Variants in PALLD observed in about 807,000 individuals in gnomAD.
The protein encoded by PALLD is palladin, cytoskeletal associated protein, also known as palladin.
Under a neutral mutation model 123.5 loss-of-function variants are expected in PALLD, and 61 were observed. The observed-to-expected ratio is 0.49, with a 90% confidence interval of 0.40 to 0.61. The LOEUF (loss-of-function observed/expected upper bound fraction) is 0.61. PALLD is among the 20% of genes least tolerant of loss of function. The pLI is 0.00. For missense variants in PALLD, 1,273 were observed against 1,377.0 expected (o/e 0.92, Z 1.20); for synonymous variants, 465 against 496.4 (o/e 0.94, Z 0.84).
chr4:168,591,075 C>A (rs185181689), intron 2 of PALLD, among the ~76,000 whole-genome samples: 3 of 151,902 alleles, frequency 2.0e-5, no homozygotes. Context: ...GACAGAGTTT[C>A]GCCATGTTGG....
At chr4:168,778,421 A>G (rs57308873) in intron 10 of PALLD, among the ~76,000 whole-genome samples, 3,233 of 152,264 alleles carry the variant, frequency 0.021, 110 homozygotes, top group African/African-American at 0.074. Context: ...TATTTGACTC[A>G]TGTATGGGAC....
intron 8 of PALLD, among the ~76,000 whole-genome samples, chr4:168,702,477 C>A (rs1435372145): frequency 6.6e-6 from 1 of 152,152 alleles, no homozygotes; most frequent in Non-Finnish European, 1.5e-5. Context: ...TCACTTGAAT[C>A]TGGAAGGCGG....
chr4:168,829,522 C>A (rs1743899675), intron 10 of PALLD, among the ~76,000 whole-genome samples: 1 of 152,090 alleles, frequency 6.6e-6, no homozygotes, highest in Non-Finnish European at 1.5e-5. Context: ...ATTTAAGAAG[C>A]GTAACTTAAA....
At chr4:168,726,752 TA>T (rs201392402) in intron 10 of PALLD, among the ~76,000 whole-genome samples, 118 of 146,650 alleles carry the variant, frequency 8.0e-4, no homozygotes, top group Admixed American at 2.0e-3. Context: ...GCTGTCCCTT[TA>T]AAAAAAAAAA....
chr4:168,692,039 C>A (rs1782682018), intron 8 of PALLD, among the ~76,000 whole-genome samples: 1 of 152,160 alleles, frequency 6.6e-6, no homozygotes, highest in African/African-American at 2.4e-5. Flanking sequence ...GTCACAATTT[C>A]ACTTATTTCT....
intron 10 of PALLD, among the ~76,000 whole-genome samples, chr4:168,888,978 T>C (rs180899600): frequency 6.6e-6 from 1 of 152,188 alleles, no homozygotes; most frequent in East Asian, 1.9e-4. Flanking sequence ...GCTGCATACT[T>C]AGTGACTGTT....
chr4:168,514,835 A>G (rs1275113450), intron 2 of PALLD, among the ~76,000 whole-genome samples: 1 of 152,254 alleles, frequency 6.6e-6, no homozygotes, highest in East Asian at 1.9e-4. Context: ...AATTCAGGTG[A>G]ACAGACCATA....
intron 10 of PALLD, among the ~76,000 whole-genome samples, chr4:168,778,644 C>T (rs1312725088): frequency 2.0e-5 from 3 of 152,070 alleles, no homozygotes; most frequent in South Asian, 2.1e-4. Context: ...TACCAAGCAC[C>T]GTGCTAAATA....
At position 168,926,305 on chromosome 4, in the gene PALLD, A is replaced by C; in HGVS notation, c.*125A>C. ...AGCACTTTCGGACCAGGGACTAGACATCAAAGCAGCGTTCCAACCTGAGGC... is the reference window on the plus strand; with the variant it reads ...AGCACTTTCGGACCAGGGACTAGACCTCAAAGCAGCGTTCCAACCTGAGGC... On this transcript the variant is annotated 3_prime_UTR_variant, in exon 22 of 22. Coordinates refer to ENST00000505667, the MANE Select transcript of PALLD (RefSeq NM_001166108.2). 1 of 1,537,386 alleles carries C rather than the reference A, an allele frequency of 6.5e-7. No homozygotes were observed. Among genetic ancestry groups the C allele is most frequent in the Non-Finnish European group, 8.7e-7 (1 of 1,146,886 alleles).
intron 8 of PALLD, among the ~76,000 whole-genome samples, chr4:168,695,563 A>T (rs1411722595): frequency 2.0e-5 from 3 of 152,166 alleles, no homozygotes; most frequent in Non-Finnish European, 4.4e-5. Flanking sequence ...CTATGACATA[A>T]TCTCTTTGTG....
At chr4:168,696,359 A>G (rs1414221467) in intron 8 of PALLD, among the ~76,000 whole-genome samples, 1 of 152,164 alleles carries the variant, frequency 6.6e-6, no homozygotes, top group Non-Finnish European at 1.5e-5. Flanking sequence ...CGAGAGAAAA[A>G]ATAAATCCAA....
At position 168,511,618 on chromosome 4, in the gene PALLD, G is replaced by T. The variant is rs1473022799; in HGVS notation, c.114G>T (p.Glu38Asp). ...PGLSAFLSQE[E>D]INKSLDLARR... is the part of the protein sequence containing the mutation. Reference sequence around the variant, plus strand: ...TTTCTGCTTTCCTCAGCCAGGAAGAGATAAACAAGAGTCTTGACCTGGCCC... The same window carrying T: ...TTTCTGCTTTCCTCAGCCAGGAAGATATAAACAAGAGTCTTGACCTGGCCC... Residue 38 changes from glutamate to aspartate, a missense_variant, in exon 2 of 22, where the codon GAG (glutamate) becomes GAT (aspartate). Coordinates refer to ENST00000505667, the MANE Select transcript of PALLD (RefSeq NM_001166108.2). 6.2e-7 allele frequency: 1 copy of T among 1,614,152 alleles called. No individual in the cohort carries two copies. Among genetic ancestry groups the T allele is most frequent in the East Asian group, 2.2e-5 (1 of 44,874 alleles).
intron 17 of PALLD, among the ~76,000 whole-genome samples, chr4:168,921,150 A>G (rs1761404646): frequency 1.3e-5 from 2 of 152,098 alleles, no homozygotes; most frequent in Non-Finnish European, 2.9e-5. Flanking sequence ...TCATGCTTGT[A>G]ATCCCAGCAC....
At chr4:168,888,947 T>G (rs1184589254) in intron 10 of PALLD, among the ~76,000 whole-genome samples, 2 of 152,100 alleles carry the variant, frequency 1.3e-5, no homozygotes, top group African/African-American at 4.8e-5. Context: ...GCAGAGTCTT[T>G]ACAGGATCCT....
At chr4:168,911,442 A>G (rs995796795) in intron 15 of PALLD, among the ~76,000 whole-genome samples, 5 of 152,224 alleles carry the variant, frequency 3.3e-5, no homozygotes, top group Non-Finnish European at 5.9e-5. Context: ...AAAGCACATA[A>G]TAAGGAAGCC....
intron 2 of PALLD, among the ~76,000 whole-genome samples, chr4:168,620,086 A>G (rs1158106439): frequency 1.3e-5 from 2 of 152,196 alleles, no homozygotes; most frequent in African/African-American, 2.4e-5. Context: ...AAACCACCCC[A>G]GCCCCATGCT....
intron 10 of PALLD, among the ~76,000 whole-genome samples, chr4:168,749,406 TAAAA>T (rs33999722): frequency 1.4e-5 from 2 of 146,604 alleles, no homozygotes; most frequent in African/African-American, 5.0e-5. Flanking sequence ...CTATCACCTT[TAAAA>T]AAAAAAAAAA....
At chr4:168,507,521 T>C (rs1472004414) in intron 1 of PALLD, 1 of 195,362 alleles carries the variant, frequency 5.1e-6, no homozygotes, top group African/African-American at 2.3e-5. Flanking sequence ...ATATGAGGAA[T>C]TCTCCAAAAT....
intron 2 of PALLD, among the ~76,000 whole-genome samples, chr4:168,587,134 A>G (rs1770910705): frequency 6.6e-6 from 1 of 152,168 alleles, no homozygotes; most frequent in Non-Finnish European, 1.5e-5. Context: ...CTCCAGCCCA[A>G]AATGCCTGCA....
Sources: gnomAD v4.1 joint callset for allele counts (sites outside exome capture counted in the v4.1 genomes callset) on GRCh38, gnomAD v4.1.1 for gene constraint, MANE v1.5 for transcripts, NCBI Gene and HGNC (gene_info 2026-07-23, HGNC 2026-07-21) for gene names.